The following NAALADL2 variants were observed in gnomAD, a reference collection of about 807,000 sequenced individuals.
NAALADL2 encodes the protein inactive N-acetylated-alpha-linked acidic dipeptidase-like protein 2.
In NAALADL2, 76 loss-of-function variants were observed where a neutral mutation model predicts 87.2. That is an observed-to-expected ratio of 0.87 (90% CI 0.72 to 1.05). The LOEUF (loss-of-function observed/expected upper bound fraction) is 1.05, where lower values mean the gene tolerates loss of function less well. Among genes scored for constraint, NAALADL2 ranks in the 50% least tolerant of loss-of-function variants. The probability of loss-of-function intolerance (pLI) is 0.00; values close to 1 mark genes in which losing one functional copy is unlikely to be tolerated. For synonymous variants in NAALADL2, 354 were observed against 331.0 expected (o/e 1.07, Z -0.75); for missense variants, 1,089 against 945.8 (o/e 1.15, Z -1.99).
chr3:175,781,691 TTAACA>T (rs1197643775), intron 13 of NAALADL2, among the ~76,000 whole-genome samples: 8 of 151,668 alleles, frequency 5.3e-5, no homozygotes, highest in Non-Finnish European at 7.4e-5. Context: ...TAAAAAAAAA[TTAACA>T]TAACGCTTTT....
intron 3 of NAALADL2, among the ~76,000 whole-genome samples, chr3:174,756,766 C>T (rs1195947496): frequency 6.6e-6 from 1 of 152,186 alleles, no homozygotes. Flanking sequence ...GATTCCTGAT[C>T]TCGCAGCCAC....
intron 11 of NAALADL2, among the ~76,000 whole-genome samples, chr3:175,661,331 T>C (rs993264420): frequency 1.4e-4 from 21 of 151,978 alleles, no homozygotes; most frequent in African/African-American, 4.1e-4. Context: ...TTTTCACGTC[T>C]TTTTCCCATT....
chr3:174,444,444 T>A (rs1408456194), intron 1 of NAALADL2, among the ~76,000 whole-genome samples: 1 of 152,200 alleles, frequency 6.6e-6, no homozygotes, highest in Non-Finnish European at 1.5e-5. Flanking sequence ...TAAGAATTGC[T>A]TGAAACAGAA....
At chr3:174,575,599 A>G (rs9878970) in intron 2 of NAALADL2, among the ~76,000 whole-genome samples, 4,682 of 152,272 alleles carry the variant, frequency 0.031, 261 homozygotes, top group African/African-American at 0.11. Flanking sequence ...AGAAACTATG[A>G]GGAAAAACTT....
chr3:175,602,349 G>A (rs1391019009), intron 10 of NAALADL2, among the ~76,000 whole-genome samples: 1 of 151,878 alleles, frequency 6.6e-6, no homozygotes, highest in African/African-American at 2.4e-5. Flanking sequence ...CATAATGTAG[G>A]TATTTTGCCA....
intron 2 of NAALADL2, among the ~76,000 whole-genome samples, chr3:175,144,631 AT>A (rs1310234589): frequency 7.9e-5 from 12 of 151,974 alleles, no homozygotes; most frequent in African/African-American, 2.9e-4. Context: ...ATGCAGGATC[AT>A]GCTATATACA....
At chr3:174,492,537 T>TTG (rs34069125) in intron 1 of NAALADL2, among the ~76,000 whole-genome samples, 16 of 151,472 alleles carry the variant, frequency 1.1e-4, no homozygotes, top group South Asian at 4.2e-4. Context: ...TATAGGTATT[T>TTG]TGTGTGTGTG....
intron 9 of NAALADL2, among the ~76,000 whole-genome samples, chr3:175,500,590 T>G (rs62287078): frequency 6.6e-6 from 1 of 151,916 alleles, no homozygotes; most frequent in Admixed American, 6.6e-5. Flanking sequence ...AAAAGCCCTG[T>G]GCTCTAGCAT....
At chr3:175,605,130 G>A (rs185763656) in intron 10 of NAALADL2, among the ~76,000 whole-genome samples, 1 of 152,268 alleles carries the variant, frequency 6.6e-6, no homozygotes, top group African/African-American at 2.4e-5. Flanking sequence ...AATCAGCAGA[G>A]ATCTGATGTC....
rs558220181 is a variant in NAALADL2 at position 175,805,822 on chromosome 3, A to G, written c.*2619A>G. The G allele has an allele frequency of 6.6e-6, 1 of 152,070 alleles. No individual in the cohort carries two copies. The highest frequency in any genetic ancestry group is 2.1e-4 in the South Asian group (1 of 4,824). 9.4% of individuals were successfully genotyped at this position (152,070 alleles called of 1,614,324 possible). On this transcript the variant is annotated 3_prime_UTR_variant, in exon 14 of 14. Coordinates refer to ENST00000454872, the MANE Select transcript of NAALADL2 (RefSeq NM_207015.3). The stretch of plus-strand genomic sequence containing the variant: ...AAATTTATGTTCAGGCAGGGTACAC[A>G]TGAGATACTGCCCTTTATGGAAAAG...
At chr3:175,445,168 G>A (rs1018214965) in intron 5 of NAALADL2, among the ~76,000 whole-genome samples, 3 of 152,146 alleles carry the variant, frequency 2.0e-5, no homozygotes, top group Non-Finnish European at 4.4e-5. Context: ...TTCTGAGTCA[G>A]TAAAAATATA....
chr3:175,734,544 G>A (rs62286102), intron 11 of NAALADL2, among the ~76,000 whole-genome samples: 36,206 of 151,712 alleles, frequency 0.24, 4,600 homozygotes, highest in African/African-American at 0.31. Context: ...GCAACAGAGC[G>A]AGACTCCGTT....
chr3:175,138,501 C>A (rs1253510162), intron 2 of NAALADL2, among the ~76,000 whole-genome samples: 1 of 151,772 alleles, frequency 6.6e-6, no homozygotes, highest in Non-Finnish European at 1.5e-5. Context: ...AATCATTTGT[C>A]CCTGGATGGG....
chr3:175,722,660 C>G (rs1742391806), intron 11 of NAALADL2, among the ~76,000 whole-genome samples: 2 of 152,008 alleles, frequency 1.3e-5, no homozygotes, highest in Admixed American at 6.6e-5. Context: ...TATAACCTAC[C>G]AGACTCTTCA....
Position 174,789,578 on chromosome 3 carries a change from T to C in NAALADL2, c.-9+51832T>C, listed in dbSNP as rs112284615. On this transcript the variant is annotated intron_variant, in intron 3 of 3. Transcript: ENST00000434257. ...TTCTAGAAATGATGCTGAGGATCAA[T>C]TGATTTTAAAACAAAAACACAAGAA... Among the ~76,000 whole-genome samples the C allele has an allele frequency of 5.7e-3, 862 of 152,296 alleles. 7 individuals carry two copies. The highest frequency in any genetic ancestry group is 0.02 in the African/African-American group (826 of 41,576).
chr3:174,823,093 A>G (rs1021896434), intron 3 of NAALADL2, among the ~76,000 whole-genome samples: 1 of 152,160 alleles, frequency 6.6e-6, no homozygotes, highest in African/African-American at 2.4e-5. Context: ...CACTTTCTAT[A>G]TTTGTAGATA....
chr3:175,087,949 A>G (rs973435762), intron 1 of NAALADL2, among the ~76,000 whole-genome samples: 2 of 152,016 alleles, frequency 1.3e-5, no homozygotes, highest in Non-Finnish European at 2.9e-5. Flanking sequence ...TCATCAGTTA[A>G]TTGCAAGTTA....
intron 1 of NAALADL2, among the ~76,000 whole-genome samples, chr3:174,465,783 C>T (rs1716497308): frequency 6.6e-6 from 1 of 151,424 alleles, no homozygotes; most frequent in African/African-American, 2.4e-5. Context: ...GGTCTTACAC[C>T]CTCATAACTA....
intron 1 of NAALADL2, among the ~76,000 whole-genome samples, chr3:174,456,411 C>CAAAA (rs59833697): frequency 0.025 from 1,408 of 56,256 alleles, 42 homozygotes; most frequent in African/African-American, 0.044. Flanking sequence ...CAATCCTAAG[C>CAAAA]AAAAAAAAAA....
Sources: allele counts gnomAD v4.1 joint callset (sites outside exome capture counted in the v4.1 genomes callset), GRCh38; gene constraint gnomAD v4.1.1; transcripts MANE v1.5; gene names NCBI Gene and HGNC (gene_info 2026-07-23, HGNC 2026-07-21).